The following BBS9 variants were observed in gnomAD, a reference collection of about 807,000 sequenced individuals.
BBS9 encodes the protein Bardet-Biedl syndrome 9.
In BBS9, 89 loss-of-function variants were observed where a neutral mutation model predicts 117.7. The observed-to-expected ratio is 0.76, with a 90% CI of 0.64 to 0.90. The LOEUF is 0.90. Among genes scored for constraint, BBS9 ranks in the 40% least tolerant of loss-of-function variants. The pLI, the probability that BBS9 is intolerant of heterozygous loss-of-function variation, is 0.00. For synonymous variants in BBS9, 379 were observed against 370.9 expected (o/e 1.02, Z -0.25); for missense variants, 982 against 1,042.2 (o/e 0.94, Z 0.80).
intron 2 of BBS9, among the ~76,000 whole-genome samples, chr7:33,147,857 G>A (rs1792663499): frequency 6.6e-6 from 1 of 152,130 alleles, no homozygotes; most frequent in Admixed American, 6.5e-5. Context: ...AGCTTCCTCT[G>A]TTTTCCGAAG....
chr7:33,196,430 G>A (rs1784952644), intron 5 of BBS9, among the ~76,000 whole-genome samples: 1 of 152,170 alleles, frequency 6.6e-6, no homozygotes, highest in Admixed American at 6.5e-5. Flanking sequence ...GATATGCTCA[G>A]CTGGGGTGAA....
At chr7:33,589,188 G>A (rs13242936) in intron 21 of BBS9, among the ~76,000 whole-genome samples, 36,928 of 151,884 alleles carry the variant, frequency 0.24, 6,264 homozygotes, top group African/African-American at 0.47. Context: ...GCCTGAAACT[G>A]CAGATAGTAC....
At chr7:33,236,127 G>T (rs1793435047) in intron 5 of BBS9, among the ~76,000 whole-genome samples, 1 of 151,950 alleles carries the variant, frequency 6.6e-6, no homozygotes, top group African/African-American at 2.4e-5. Context: ...GGGAGTTCAA[G>T]ACCATCCTGA....
intron 9 of BBS9, among the ~76,000 whole-genome samples, chr7:33,295,373 TAA>T (rs1805045199): frequency 6.6e-6 from 1 of 152,040 alleles, no homozygotes; most frequent in Non-Finnish European, 1.5e-5. Context: ...ACAGATTATG[TAA>T]AGTTTCAATT....
chr7:33,485,271 C>T (rs2128983062), intron 19 of BBS9, among the ~76,000 whole-genome samples: 1 of 151,662 alleles, frequency 6.6e-6, no homozygotes, highest in Non-Finnish European at 1.5e-5. Context: ...AACAAATCTG[C>T]ACATCCCATG....
chr7:33,273,933 A>T lies in BBS9; in HGVS notation c.993A>T (p.Val331=). The change falls in exon 9 of 23, where the codon GTA becomes GTT. Residue 331 remains valine (V), a synonymous_variant. Coordinates refer to ENST00000242067, the MANE Select transcript of BBS9 (RefSeq NM_198428.3). ...CCACCCAACTTCCCCACATTCCTGT[A>T]GCAGTAAGAGTGGGCTGTTTGCAGT... ...KWATQLPHIP[V]AVRVGCLHDL... 6.2e-7 allele frequency: 1 copy of T among 1,613,716 alleles called. No individual in the cohort carries two copies. Among genetic ancestry groups the T allele is most frequent in the Non-Finnish European group, 8.5e-7 (1 of 1,179,744 alleles).
chr7:33,273,524 A>C (rs1303430204), intron 8 of BBS9, among the ~76,000 whole-genome samples: 1 of 152,160 alleles, frequency 6.6e-6, no homozygotes, highest in East Asian at 1.9e-4. Context: ...AATAGAATGA[A>C]TTATCTGTAG....
At chr7:33,402,566 G>A (rs1480327128) in intron 19 of BBS9, among the ~76,000 whole-genome samples, 1 of 151,952 alleles carries the variant, frequency 6.6e-6, no homozygotes, top group African/African-American at 2.4e-5. Context: ...TTCATAGGTT[G>A]GTCTTTTCTG....
chr7:33,225,203 A>G (rs1394644221), intron 5 of BBS9, among the ~76,000 whole-genome samples: 3 of 151,926 alleles, frequency 2.0e-5, no homozygotes, highest in Non-Finnish European at 4.4e-5. Flanking sequence ...TTATTTGTTT[A>G]TATTTATTTT....
At chr7:33,236,327 A>G (rs75557623) in intron 5 of BBS9, among the ~76,000 whole-genome samples, 4 of 147,378 alleles carry the variant, frequency 2.7e-5, no homozygotes, top group Non-Finnish European at 6.0e-5. Context: ...CTCCATCTCA[A>G]AAAAAAAAAA....
intron 19 of BBS9, among the ~76,000 whole-genome samples, chr7:33,438,670 G>T (rs1215325025): frequency 6.6e-6 from 1 of 152,216 alleles, no homozygotes; most frequent in African/African-American, 2.4e-5. Flanking sequence ...AATACATGGA[G>T]CAATGACAAA....
At chr7:33,481,884 G>C (rs769370989) in intron 19 of BBS9, among the ~76,000 whole-genome samples, 3 of 152,150 alleles carry the variant, frequency 2.0e-5, no homozygotes, top group Non-Finnish European at 4.4e-5. Flanking sequence ...CTGATTTTAA[G>C]GTTTCAAGCC....
chr7:33,257,945 A>G (rs999886608), intron 6 of BBS9, among the ~76,000 whole-genome samples: 2 of 152,234 alleles, frequency 1.3e-5, no homozygotes, highest in African/African-American at 4.8e-5. Flanking sequence ...TTCATAGTAT[A>G]AGTGAAGTAT....
intron 14 of BBS9, among the ~76,000 whole-genome samples, chr7:33,351,707 G>A (rs910065792): frequency 1.3e-5 from 2 of 152,018 alleles, no homozygotes; most frequent in Non-Finnish European, 2.9e-5. Flanking sequence ...TTAGGCATGC[G>A]GACACAGTGA....
At chr7:33,552,669 A>G (rs1046242568) in intron 21 of BBS9, among the ~76,000 whole-genome samples, 1 of 152,196 alleles carries the variant, frequency 6.6e-6, no homozygotes, top group Non-Finnish European at 1.5e-5. Flanking sequence ...CATTCCCAAC[A>G]GAAGTTAATG....
At chr7:33,409,021 C>G (rs896172096) in intron 19 of BBS9, among the ~76,000 whole-genome samples, 1 of 152,192 alleles carries the variant, frequency 6.6e-6, no homozygotes, top group African/African-American at 2.4e-5. Context: ...TGAGAACTGT[C>G]TGTTCATGTC....
chr7:33,360,087 C>T (rs1171953520), intron 16 of BBS9, among the ~76,000 whole-genome samples: 5 of 152,092 alleles, frequency 3.3e-5, no homozygotes, highest in African/African-American at 4.8e-5. Flanking sequence ...TTAATGATTA[C>T]ATAGTATTCT....
At chr7:33,562,887 G>C (rs1483200068) in intron 21 of BBS9, among the ~76,000 whole-genome samples, 6 of 151,922 alleles carry the variant, frequency 3.9e-5, no homozygotes, top group Admixed American at 2.0e-4. Context: ...TTGTGCCACT[G>C]CACTCCAGGC....
At chr7:33,624,001 A>G (rs974562835) in intron 21 of BBS9, among the ~76,000 whole-genome samples, 1 of 147,444 alleles carries the variant, frequency 6.8e-6, no homozygotes, top group African/African-American at 2.5e-5. Flanking sequence ...AAAAAAAATC[A>G]TATAAGTCTT....
Sources: allele counts gnomAD v4.1 joint callset (sites outside exome capture counted in the v4.1 genomes callset), GRCh38; gene constraint gnomAD v4.1.1; transcripts MANE v1.5; gene names NCBI Gene and HGNC (gene_info 2026-07-23, HGNC 2026-07-21).